PGAP4: variants seen among roughly 807,000 people sequenced by gnomAD.
The protein encoded by PGAP4 is post-GPI attachment to proteins GalNAc transferase 4.
In PGAP4, 12 loss-of-function variants were observed where a neutral mutation model predicts 28.2. The observed-to-expected ratio is 0.42, with a 90% CI of 0.27 to 0.69. The LOEUF is 0.69. Ranked by LOEUF, PGAP4 falls within the 30% of genes least tolerant of loss-of-function variation. PGAP4 has a pLI of 0.22. For synonymous variants in PGAP4, 205 were observed against 211.8 expected (o/e 0.97, Z 0.28); for missense variants, 425 against 513.5 (o/e 0.83, Z 1.67).
chr9:101,483,644 T>C (rs1397535469), intron 1 of PGAP4, among the ~76,000 whole-genome samples: 2 of 151,930 alleles, frequency 1.3e-5, no homozygotes, highest in African/African-American at 2.4e-5. Context: ...TATATACACA[T>C]GTACTATATA....
chr9:101,492,573 TTC>T, intron 2 of PGAP4, among the ~76,000 whole-genome samples: 1 of 152,312 alleles, frequency 6.6e-6, no homozygotes, highest in South Asian at 2.1e-4. Flanking sequence ...CAACTCTGAA[TTC>T]TGTTACATTT....
chr9:101,522,459 T>A (rs1409380418), intron 2 of PGAP4, among the ~76,000 whole-genome samples: 2 of 152,348 alleles, frequency 1.3e-5, no homozygotes, highest in South Asian at 2.1e-4. Context: ...CTTTTACCAT[T>A]ATATAATGTC....
At chr9:101,485,366 A>C (rs1371434844) in intron 1 of PGAP4, among the ~76,000 whole-genome samples, 2 of 152,182 alleles carry the variant, frequency 1.3e-5, no homozygotes, top group Admixed American at 6.5e-5. Context: ...TTATACGCCC[A>C]TATAACCATC....
At chr9:101,525,926 T>C (rs564038602) in intron 2 of PGAP4, among the ~76,000 whole-genome samples, 23 of 152,198 alleles carry the variant, frequency 1.5e-4, no homozygotes, top group Non-Finnish European at 3.2e-4. Context: ...AATGCTATGT[T>C]AAACATTTTT....
intron 2 of PGAP4, among the ~76,000 whole-genome samples, chr9:101,520,600 G>C (rs1002406691): frequency 2.6e-5 from 4 of 152,166 alleles, no homozygotes; most frequent in African/African-American, 9.7e-5. Context: ...TCCTTTATCA[G>C]TTCTAGGAGC....
intron 1 of PGAP4, among the ~76,000 whole-genome samples, chr9:101,481,068 T>A (rs935589922): frequency 3.9e-5 from 6 of 152,108 alleles, no homozygotes; most frequent in African/African-American, 1.4e-4. Context: ...TCCTAGCTAC[T>A]CAGTAGGCTG....
intron 1 of PGAP4, among the ~76,000 whole-genome samples, chr9:101,483,246 G>A (rs1564094447): frequency 6.6e-6 from 1 of 152,130 alleles, no homozygotes; most frequent in Non-Finnish European, 1.5e-5. Context: ...ATGGGTCTCA[G>A]GTCCTCAGCT....
chr9:101,507,498 C>G (rs1390861985), intron 2 of PGAP4, among the ~76,000 whole-genome samples: 1 of 152,082 alleles, frequency 6.6e-6, no homozygotes, highest in Non-Finnish European at 1.5e-5. Flanking sequence ...TAATATTTTC[C>G]TATTAACATT....
chr9:101,523,145 C>T (rs1365645822), intron 2 of PGAP4, among the ~76,000 whole-genome samples: 1 of 151,784 alleles, frequency 6.6e-6, no homozygotes, highest in Non-Finnish European at 1.5e-5. Context: ...GCTTCTGCCT[C>T]ACAGCTCTTA....
chr9:101,479,250 C>T (rs958859967), intron 1 of PGAP4, among the ~76,000 whole-genome samples: 1 of 152,236 alleles, frequency 6.6e-6, no homozygotes, highest in Non-Finnish European at 1.5e-5. Context: ...CACATCACTG[C>T]TGATGGAAGC....
intron 1 of PGAP4, among the ~76,000 whole-genome samples, chr9:101,485,675 A>T (rs2118554967): frequency 6.6e-6 from 1 of 152,266 alleles, no homozygotes; most frequent in South Asian, 2.1e-4. Flanking sequence ...TTTTTGGTCC[A>T]CGCTTTTGAT....
chr9:101,533,016 A>G (rs1014554028), exon 1 of PGAP4: 4 of 152,200 alleles, frequency 2.6e-5, no homozygotes, highest in African/African-American at 4.8e-5. Context: ...CTTTTCATTA[A>G]TAGGTTAGAT....
upstream of PGAP4, among the ~76,000 whole-genome samples, chr9:101,488,728 T>G (rs542255573): frequency 7.2e-5 from 11 of 152,284 alleles, no homozygotes; most frequent in African/African-American, 2.6e-4. Flanking sequence ...TAATTAAAAT[T>G]AAATAAAATG....
intron 2 of PGAP4, among the ~76,000 whole-genome samples, chr9:101,510,371 C>T (rs568767424): frequency 4.0e-5 from 6 of 149,990 alleles, no homozygotes; most frequent in Middle Eastern, 3.5e-3. Context: ...TGCTTCTGTT[C>T]GTTATGTTCA....
At chr9:101,503,008 C>T (rs1342670657) in intron 2 of PGAP4, among the ~76,000 whole-genome samples, 1 of 152,006 alleles carries the variant, frequency 6.6e-6, no homozygotes, top group Non-Finnish European at 1.5e-5. Context: ...GATGCCAATC[C>T]AGTAGCAAAT....
chr9:101,511,324 G>A (rs1039453362), intron 2 of PGAP4, among the ~76,000 whole-genome samples: 2 of 152,142 alleles, frequency 1.3e-5, no homozygotes, highest in African/African-American at 4.8e-5. Context: ...CAGGTAGCAG[G>A]GAGCATGCTT....
chr9:101,484,003 T>C (rs946326815), intron 1 of PGAP4, among the ~76,000 whole-genome samples: 11 of 152,186 alleles, frequency 7.2e-5, no homozygotes, highest in African/African-American at 2.7e-4. Flanking sequence ...CACTTTAATA[T>C]AAATTGGTGC....
chr9:101,525,433 G>A (rs183021684), intron 2 of PGAP4, among the ~76,000 whole-genome samples: 1 of 151,928 alleles, frequency 6.6e-6, no homozygotes, highest in East Asian at 1.9e-4. Flanking sequence ...GTTGGCGGGC[G>A]CAGTGGCTCA....
At chr9:101,510,595 T>C (rs1056899552) in intron 2 of PGAP4, among the ~76,000 whole-genome samples, 1 of 152,178 alleles carries the variant, frequency 6.6e-6, no homozygotes, top group Admixed American at 6.6e-5. Flanking sequence ...AAATGGAGCT[T>C]TCTTTTTGCT....
Sources: allele counts gnomAD v4.1 joint callset (sites outside exome capture counted in the v4.1 genomes callset), GRCh38; gene constraint gnomAD v4.1.1; transcripts MANE v1.5; gene names NCBI Gene and HGNC (gene_info 2026-07-23, HGNC 2026-07-21).